SPINK8: variants seen among roughly 807,000 people sequenced by gnomAD.
SPINK8 encodes the protein serine peptidase inhibitor Kazal type 8 (putative), also known as serine protease inhibitor Kazal-type 8.
A neutral mutation model predicts 14.4 loss-of-function variants in SPINK8; 12 were observed. That is an observed-to-expected ratio of 0.83 (90% CI 0.53 to 1.35). SPINK8 has a LOEUF of 1.35. Among genes scored for constraint, SPINK8 ranks in the 40% most tolerant of loss-of-function variants. The probability of loss-of-function intolerance (pLI) is 0.00; values close to 1 mark genes in which losing one functional copy is unlikely to be tolerated. For missense variants in SPINK8, 103 were observed against 117.0 expected, an observed-to-expected ratio of 0.88 and a Z score of 0.55; for synonymous variants, 32 against 37.6, an observed-to-expected ratio of 0.85 and a Z score of 0.55.
At chr3:48,327,173 A>G (rs1209625776) in intron 4 of SPINK8, among the ~76,000 whole-genome samples, 1 of 152,230 alleles carries the variant, frequency 6.6e-6, no homozygotes, top group Non-Finnish European at 1.5e-5. Flanking sequence ...AATGACAACT[A>G]TTGTAGCAGT....
At chr3:48,318,534 C>T (rs116771642) in intron 6 of SPINK8, among the ~76,000 whole-genome samples, 2 of 152,200 alleles carry the variant, frequency 1.3e-5, no homozygotes, top group Admixed American at 6.5e-5. Flanking sequence ...TGTCATGCTG[C>T]GCATTCCCCA....
At chr3:48,328,502 A>G (rs538547733) in intron 3 of SPINK8, among the ~76,000 whole-genome samples, 148 bp from the exon 4 acceptor site, 4 of 152,366 alleles carry the variant, frequency 2.6e-5, no homozygotes, top group African/African-American at 9.6e-5. Context: ...GATGCAACTC[A>G]ATTGTTTAAT....
intron 6 of SPINK8, among the ~76,000 whole-genome samples, chr3:48,317,664 C>T (rs912818635): frequency 1.3e-5 from 2 of 151,826 alleles, no homozygotes; most frequent in Admixed American, 6.6e-5. Flanking sequence ...TACAGGCACC[C>T]GCCACCACGT....
At chr3:48,315,060 C>T (rs1181570919) in intron 6 of SPINK8, among the ~76,000 whole-genome samples, 1 of 152,138 alleles carries the variant, frequency 6.6e-6, no homozygotes, top group Admixed American at 6.6e-5. Flanking sequence ...TTATTGGTTC[C>T]AGCCATTTAA....
chr3:48,330,059 C>A (rs906292827), intron 2 of SPINK8, among the ~76,000 whole-genome samples: 1 of 152,196 alleles, frequency 6.6e-6, no homozygotes, highest in Non-Finnish European at 1.5e-5. Context: ...ATGGCCTTAA[C>A]TGGGGACATG....
intron 5 of SPINK8, 139 bp from the exon 6 acceptor site, chr3:48,319,757 T>C: frequency 4.9e-6 from 6 of 1,212,368 alleles, no homozygotes; most frequent in Non-Finnish European, 6.8e-6. Flanking sequence ...GCCTCAGTGT[T>C]TGACCCCAAC....
At chr3:48,330,938 G>A (rs1273634673) in intron 2 of SPINK8, among the ~76,000 whole-genome samples, 1 of 151,982 alleles carries the variant, frequency 6.6e-6, no homozygotes, top group Non-Finnish European at 1.5e-5. Flanking sequence ...CTGGGGCATA[G>A]TAGGGGTCGT....
At chr3:48,317,435 C>A (rs947086429) in intron 6 of SPINK8, among the ~76,000 whole-genome samples, 2 of 152,054 alleles carry the variant, frequency 1.3e-5, no homozygotes, top group African/African-American at 4.8e-5. Context: ...TTGCAGTGAG[C>A]CGAGACCACA....
At chr3:48,321,945 T>G (rs553232470) in intron 4 of SPINK8, among the ~76,000 whole-genome samples, 8 of 150,726 alleles carry the variant, frequency 5.3e-5, no homozygotes, top group Admixed American at 5.3e-4. Context: ...CCCAAGTGGC[T>G]GGGACTACAG....
chr3:48,313,942 AG>A (rs2107086786), intron 6 of SPINK8, among the ~76,000 whole-genome samples: 1 of 152,350 alleles, frequency 6.6e-6, no homozygotes, highest in East Asian at 1.9e-4. Flanking sequence ...GCTAGTTGCC[AG>A]GAACTGTGGG....
At chr3:48,328,502 A>C (rs538547733) in intron 3 of SPINK8, among the ~76,000 whole-genome samples, 148 bp from the exon 4 acceptor site, 7 of 152,248 alleles carry the variant, frequency 4.6e-5, no homozygotes, top group African/African-American at 7.2e-5. Context: ...GATGCAACTC[A>C]ATTGTTTAAT....
chr3:48,333,563 TG>T lies in SPINK8; in HGVS notation c.-271del, dbSNP rs1314397796. 2.6e-5 allele frequency among the ~76,000 whole-genome samples: 4 copies of T among 152,194 alleles called. No homozygotes were observed. The highest frequency in any genetic ancestry group is 5.9e-5 in the Non-Finnish European group (4 of 68,034). On this transcript the variant is annotated 5_prime_UTR_variant, in exon 1 of 8. Coordinates refer to ENST00000434006, the MANE Select transcript of SPINK8 (RefSeq NM_001080525.3). ...TGTAGCAGTCCTGCACCTGTTTTCC[TG>T]CCCTTCTTGACCACAAAGAAAGGGG...
intron 4 of SPINK8, among the ~76,000 whole-genome samples, chr3:48,322,920 T>A (rs1443568222): frequency 6.6e-6 from 1 of 152,200 alleles, no homozygotes; most frequent in Non-Finnish European, 1.5e-5. Flanking sequence ...TGTGGGCATG[T>A]GTTTTTATTT....
chr3:48,330,355 C>T (rs1462318119), intron 2 of SPINK8, among the ~76,000 whole-genome samples: 1 of 152,044 alleles, frequency 6.6e-6, no homozygotes, highest in African/African-American at 2.4e-5. Flanking sequence ...CCTGTCTCTA[C>T]TAAAAATGCA....
intron 6 of SPINK8, among the ~76,000 whole-genome samples, chr3:48,318,461 C>T (rs1560016779): frequency 6.6e-6 from 1 of 152,170 alleles, no homozygotes; most frequent in Non-Finnish European, 1.5e-5. Context: ...CTAAGATACA[C>T]TGAAAGGGAG....
intron 6 of SPINK8, among the ~76,000 whole-genome samples, chr3:48,317,978 A>C (rs909894124): frequency 6.6e-6 from 1 of 152,058 alleles, no homozygotes; most frequent in Non-Finnish European, 1.5e-5. Context: ...AGGCTCAAGC[A>C]ATCCTTCTGC....
intron 6 of SPINK8, among the ~76,000 whole-genome samples, chr3:48,315,858 A>C (rs999455373): frequency 6.6e-6 from 1 of 152,148 alleles, no homozygotes; most frequent in Non-Finnish European, 1.5e-5. Flanking sequence ...CAAGAACCTG[A>C]ATAAAAATTC....
intron 7 of SPINK8, among the ~76,000 whole-genome samples, chr3:48,309,640 G>A (rs999637747): frequency 2.0e-5 from 3 of 152,270 alleles, no homozygotes; most frequent in East Asian, 3.9e-4. Flanking sequence ...GAAGTATGTA[G>A]GAGTGAATAA....
intron 6 of SPINK8, among the ~76,000 whole-genome samples, chr3:48,313,180 T>C (rs1484138589): frequency 6.6e-6 from 1 of 152,072 alleles, no homozygotes; most frequent in African/African-American, 2.4e-5. Flanking sequence ...TCAAAGGACA[T>C]TATCATGAAA....
Sources: gnomAD v4.1 joint callset for allele counts (sites outside exome capture counted in the v4.1 genomes callset) on GRCh38, gnomAD v4.1.1 for gene constraint, MANE v1.5 for transcripts, NCBI Gene and HGNC (gene_info 2026-07-23, HGNC 2026-07-21) for gene names.